LTB: variants seen among roughly 807,000 people sequenced by gnomAD.
LTB encodes lymphotoxin-beta.
Under a neutral mutation model 14.7 loss-of-function variants are expected in LTB, and 17 were observed. The ratio of observed to expected loss-of-function variants is 1.16; its 90% confidence interval spans 0.79 to 1.73. The LOEUF (loss-of-function observed/expected upper bound fraction) is 1.73. Ranked by LOEUF, LTB falls within the 40% of genes most tolerant of loss-of-function variation. The pLI is 0.00. For missense variants in LTB, 288 were observed against 324.3 expected, an observed-to-expected ratio of 0.89 and a Z score of 0.86; for synonymous variants, 163 against 157.3, an observed-to-expected ratio of 1.04 and a Z score of -0.27.
chr6:31,582,171 G>A, intron 1 of LTB, 85 bp downstream of exon 1: 8 of 1,527,342 alleles, frequency 5.2e-6, no homozygotes, highest in Non-Finnish European at 7.2e-6. Flanking sequence ...TGAGCCAGAG[G>A]GGGCAAAAGA....
rs749537484 is a variant in LTB at position 31,581,120 on chromosome 6, C to G, written c.324G>C (p.Lys108Asn). Residue 108 changes from lysine (K) to asparagine (N), a missense_variant, in exon 4 of 4, where the codon AAG (lysine) becomes AAC (asparagine). By Grantham distance (94) the Lys-to-Asn change is moderately conservative (BLOSUM62 0). Coordinates refer to ENST00000429299, the MANE Select transcript of LTB (RefSeq NM_002341.2). ...KGQGLGWETT[K>N]EQAFLTSGTQ... ...TCCCGCTCGTCAGAAACGCCTGTTCCTTCGTCGTCTCCCAGCCTAGCCCCT... is the reference window on the plus strand; with the variant it reads ...TCCCGCTCGTCAGAAACGCCTGTTCGTTCGTCGTCTCCCAGCCTAGCCCCT... 3 of 1,590,554 alleles carry G rather than the reference C, an allele frequency of 1.9e-6. No homozygotes were observed. The highest frequency in any genetic ancestry group is 2.6e-6 in the Non-Finnish European group (3 of 1,170,992).
Position 31,582,174 on chromosome 6 carries a change from G to A in LTB, c.162+82C>T, listed in dbSNP as rs569397869. ...AGCCGAGCCAGCTGAGCCAGAGGGG[G>A]CAAAAGACCACAGGCACAACCAGAG... On this transcript the variant is annotated intron_variant, in intron 1 of 3. Transcript: ENST00000429299. 8.4e-5 allele frequency: 129 copies of A among 1,539,324 alleles called. 1 individual carries two copies. In the Middle Eastern group the frequency reaches 2.9e-3, roughly 35 times the overall value.
chr6:31,581,741 A>T, intron 2 of LTB, 73 bp downstream of exon 2: 4 of 1,602,960 alleles, frequency 2.5e-6, no homozygotes, highest in Non-Finnish European at 3.4e-6. Flanking sequence ...AGGAAGAGGT[A>T]TCTGGGGACG....
intron 3 of LTB, 21 bp from the exon 4 acceptor site, chr6:31,581,184 G>A: frequency 6.6e-7 from 1 of 1,512,504 alleles, no homozygotes; most frequent in Non-Finnish European, 8.8e-7. Context: ...ACGGGCCGAC[G>A]CGCTCTTGGG....
intron 1 of LTB, 149 bp from the exon 2 acceptor site, chr6:31,582,008 G>A (rs149833445): frequency 1.0e-5 from 9 of 865,960 alleles, no homozygotes; most frequent in Admixed American, 5.4e-5. Context: ...AACAAGCAAG[G>A]CATAGGTACT....
In LTB at chr6:31,581,858, A is replaced by G. The variant is rs777963449; in HGVS notation, c.164T>C (p.Val55Ala). 1.3e-6 allele frequency: 2 copies of G among 1,591,270 alleles called. No homozygotes were observed. Among genetic ancestry groups the G allele is most frequent in the Non-Finnish European group, 8.5e-7 (1 of 1,170,428 alleles). The change falls in exon 2 of 4, where the codon GTA (valine) becomes GCA (alanine). Residue 55 changes from valine (V) to alanine (A), a missense_variant and splice_region_variant. This residue lies in a region of LTB where 284 missense variants were observed against 299.2 expected (regional missense o/e 0.95). Transcript: ENST00000429299. ...TGCCCCGGGGTCGGCCGTCTCCGTT[A>G]CCTGGTTGGGTGGGGTCACAGTGCC... is the stretch of plus-strand genomic sequence containing the variant. ...ALVPQDQGGL[V>A]TETADPGAQA... is the part of the protein sequence containing the mutation.
At position 31,581,091 on chromosome 6, in the gene LTB, T is replaced by G. The variant is rs1292396326; in HGVS notation, c.353A>C (p.Gln118Pro). 1.2e-6 allele frequency: 2 copies of G among 1,609,228 alleles called. No homozygotes were observed. The highest frequency in any genetic ancestry group is 1.1e-5 in the South Asian group (1 of 90,796). ...CGCCAGCCCCTCGGCGTCCGAGAAC[T>G]GCGTCCCGCTCGTCAGAAACGCCTG... ...KEQAFLTSGT[Q>P]FSDAEGLALP... Residue 118 changes from glutamine (Q) to proline (P), a missense_variant, in exon 4 of 4, where the codon CAG (glutamine) becomes CCG (proline). Transcript: ENST00000429299.
Position 31,582,281 on chromosome 6 carries a change from A to C in LTB, c.137T>G (p.Leu46Ter). The change falls in exon 1 of 4, where the codon TTA becomes TGA. Residue 46 changes from leucine (L) to a stop codon, truncating the protein, a stop_gained. Transcript: ENST00000429299. LOFTEE classifies it high-confidence loss of function. ...CAGTCCTCCCTGATCCTGGGGCACT[A>C]AGGCCAGCACAGCCAGGACAGTGAT... ...VPITVLAVLALVPQDQGGLVT... is the reference protein window; with the variant it reads ...VPITVLAVLA 6.2e-7 allele frequency: 1 copy of C among 1,612,974 alleles called. No individual in the cohort carries two copies. Among genetic ancestry groups the C allele is most frequent in the Non-Finnish European group, 8.5e-7 (1 of 1,179,978 alleles).
chr6:31,581,740 T>G (rs1771534264), intron 2 of LTB, 74 bp downstream of exon 2: 4 of 1,602,262 alleles, frequency 2.5e-6, no homozygotes, highest in East Asian at 2.2e-5. Flanking sequence ...GAGGAAGAGG[T>G]ATCTGGGGAC....
chr6:31,582,072 A>G (rs575774556), intron 1 of LTB, 184 bp downstream of exon 1: 1 of 791,454 alleles, frequency 1.3e-6, no homozygotes, highest in Non-Finnish European at 2.0e-6. Context: ...CAAGGGGCTT[A>G]TGTCGGGACA....
rs759857394 is a variant in LTB at position 31,582,396 on chromosome 6, C to T, written c.22G>A (p.Gly8Ser). MGALGLE[G>S]RGGRLQGRGS... ...CTCCCCTGGAGCCTCCCACCCCTGC[C>T]CTCCAGCCCCAGTGCCCCCATTGAG... is the stretch of plus-strand genomic sequence containing the variant. Residue 8 changes from glycine (G) to serine (S), a missense_variant, in exon 1 of 4, where the codon GGC becomes AGC. By Grantham distance (56) the Gly-to-Ser change is moderately conservative. Transcript: ENST00000429299. The T allele has an allele frequency of 2.5e-6, 4 of 1,612,598 alleles. No individual in the cohort carries two copies. The South Asian group carries it at 4.4e-5, about 18-fold the overall frequency.
In LTB at chr6:31,581,561, A is replaced by T. The variant is rs773699696; in HGVS notation, c.278T>A (p.Ile93Lys). 6.2e-7 allele frequency: 1 copy of T among 1,612,750 alleles called. No individual in the cohort carries two copies. The highest frequency in any genetic ancestry group is 1.1e-5 in the South Asian group (1 of 91,078). The change falls in exon 3 of 4, where the codon ATA becomes AAA. Residue 93 changes from isoleucine to lysine, a missense_variant and splice_region_variant. Ile to Lys is a moderately radical substitution (Grantham distance 102). Transcript: ENST00000429299. ...ATTCAGGTCTTGGAGGTCCTTACCT[A>T]TGAGGTGGGCAGCTGGGAGCCCGGG... ...LSPGLPAAHL[I>K]GAPLKGQGLG...
intron 2 of LTB, 52 bp downstream of exon 2, chr6:31,581,762 C>G: frequency 3.1e-6 from 5 of 1,609,338 alleles, no homozygotes; most frequent in Non-Finnish European, 4.2e-6. Context: ...CAGCAGGGAG[C>G]TGGGAGCCCC....
rs773073256 is a variant in LTB, at chr6:31,580,929, G to A, written c.515C>T (p.Pro172Leu). The A allele has an allele frequency of 3.2e-6, 5 of 1,581,482 alleles. No homozygotes were observed. The highest frequency in any genetic ancestry group is 4.3e-6 in the Non-Finnish European group (5 of 1,164,854). The change falls in exon 4 of 4, where the codon CCG becomes CTG. Residue 172 changes from proline (P) to leucine (L), a missense_variant. This residue lies in a region of LTB where 284 missense variants were observed against 299.2 expected (regional missense o/e 0.95). Transcript: ENST00000429299. This position sits in a 1 kb window ranked among gnomAD's most constrained non-coding sequence, Gnocchi z 6.6. ...SLYRAGGAYG[P>L]GTPELLLEGA... Reference sequence around the variant, plus strand: ...CTCGAGCAGCAGCTCGGGAGTGCCCGGCCCGTAGGCGCCCCCCGCCCGGTA... The same window carrying A: ...CTCGAGCAGCAGCTCGGGAGTGCCCAGCCCGTAGGCGCCCCCCGCCCGGTA...
At position 31,580,765 on chromosome 6, in the gene LTB, C is replaced by T. The variant is rs759586959; in HGVS notation, c.679G>A (p.Asp227Asn). ...TTCCCTCTCGCGAAGTCCACCATAT[C>T]GGGGTGACTGATGTTGACGTACACC... ...ERVYVNISHP[D>N]MVDFARGKTF... Residue 227 changes from aspartate (D) to asparagine (N), a missense_variant, in exon 4 of 4, where the codon GAT becomes AAT. Asp to Asn is a conservative substitution (Grantham distance 23). Transcript: ENST00000429299. This position sits in a 1 kb window ranked among gnomAD's most constrained non-coding sequence, Gnocchi z 6.6. 1 of 1,613,038 alleles carries T rather than the reference C, an allele frequency of 6.2e-7. No homozygotes were observed. Among genetic ancestry groups the T allele is most frequent in the Non-Finnish European group, 8.5e-7 (1 of 1,180,016 alleles).
In LTB at chr6:31,580,627, C is replaced by T; in HGVS notation, c.*82G>A. 1 of 1,249,696 alleles carries T rather than the reference C, an allele frequency of 8.0e-7. No homozygotes were observed. Among genetic ancestry groups the T allele is most frequent in the Non-Finnish European group, 1.1e-6 (1 of 887,416 alleles). 77.4% of individuals were successfully genotyped at this position (1,249,696 alleles called of 1,614,324 possible). ...TTCAAAATCAATTTCCAAACAGTCT[C>T]CTACATTTTTCCCACTGCCATGGGG... is the stretch of plus-strand genomic sequence containing the variant. On this transcript the variant is annotated 3_prime_UTR_variant, in exon 4 of 4. Transcript: ENST00000429299. The surrounding 1 kb of genome is among the most constrained non-coding windows in gnomAD (Gnocchi z 6.6).
chr6:31,582,106 GGAAA>G, intron 1 of LTB, 146 bp downstream of exon 1: 1 of 945,952 alleles, frequency 1.1e-6, no homozygotes, highest in Non-Finnish European at 1.6e-6. Flanking sequence ...ACAGGAACAT[GGAAA>G]GAGAGTCAGC....
At chr6:31,581,526 T>C (rs754031108) in intron 3 of LTB, 33 bp downstream of exon 3, 2 of 1,597,236 alleles carry the variant, frequency 1.3e-6, no homozygotes, top group Admixed American at 1.7e-5. Context: ...TTCGGATTAT[T>C]TACACTCTTA....
At position 31,582,402 on chromosome 6, in the gene LTB, G is replaced by A; in HGVS notation, c.16C>T (p.Leu6=). Residue 6 remains leucine, a synonymous_variant, in exon 1 of 4, where the codon CTG becomes TTG. Coordinates refer to ENST00000429299, the MANE Select transcript of LTB (RefSeq NM_002341.2). MGALG[L]EGRGGRLQGR... is the part of the protein sequence containing the mutation. ...TGGAGCCTCCCACCCCTGCCCTCCA[G>A]CCCCAGTGCCCCCATTGAGACTGAA... The A allele has an allele frequency of 1.9e-6, 3 of 1,611,574 alleles. No individual in the cohort carries two copies. The highest frequency in any genetic ancestry group is 2.5e-6 in the Non-Finnish European group (3 of 1,179,590).
Sources: allele counts gnomAD v4.1 joint callset, GRCh38; gene constraint gnomAD v4.1.1; regional missense constraint gnomAD v4.1.1; non-coding constraint Gnocchi (gnomAD v3.1); transcripts MANE v1.5; gene names NCBI Gene and HGNC (gene_info 2026-07-23, HGNC 2026-07-21).